The following LAMA2 variants were observed in gnomAD, a reference collection of about 807,000 sequenced individuals.
The protein encoded by LAMA2 is laminin subunit alpha-2.
In LAMA2, 269 loss-of-function variants were observed where a neutral mutation model predicts 364.8. The ratio of observed to expected loss-of-function variants is 0.74; its 90% CI spans 0.67 to 0.82. LAMA2 has a LOEUF of 0.82. Among genes scored for constraint, LAMA2 ranks in the 40% least tolerant of loss-of-function variants. The probability of loss-of-function intolerance (pLI) is 0.00; values close to 1 mark genes in which losing one functional copy is unlikely to be tolerated. For synonymous variants in LAMA2, 1,379 were observed against 1,370.6 expected (o/e 1.01, Z -0.14); for missense variants, 3,807 against 3,873.2 (o/e 0.98, Z 0.45).
At chr6:129,191,276 A>G (rs1480116990) in intron 11 of LAMA2, among the ~76,000 whole-genome samples, 1 of 152,216 alleles carries the variant, frequency 6.6e-6, no homozygotes, top group East Asian at 1.9e-4. Context: ...TTCAACTTTA[A>G]TCAGTGAACT....
intron 1 of LAMA2, among the ~76,000 whole-genome samples, chr6:129,010,904 T>C (rs979872504): frequency 6.6e-6 from 1 of 152,244 alleles, no homozygotes; most frequent in Admixed American, 6.5e-5. Context: ...TTACTGTGTA[T>C]ACATATACAC....
At chr6:129,074,898 C>G (rs183755320) in intron 3 of LAMA2, among the ~76,000 whole-genome samples, 1 of 152,232 alleles carries the variant, frequency 6.6e-6, no homozygotes, top group African/African-American at 2.4e-5. Flanking sequence ...TATGGCATAT[C>G]TGCCCTGAAT....
chr6:128,922,555 G>A (rs562059681), intron 1 of LAMA2, among the ~76,000 whole-genome samples: 142 of 151,610 alleles, frequency 9.4e-4, no homozygotes, highest in Non-Finnish European at 1.4e-3. Flanking sequence ...TGATGGGGTT[G>A]TTTGTTTTTT....
chr6:129,316,307 C>A, intron 27 of LAMA2, 136 bp downstream of exon 27: 2 of 713,358 alleles, frequency 2.8e-6, no homozygotes, highest in South Asian at 1.8e-5. Context: ...ACCATGGAGG[C>A]TTCCCTGTGA....
rs557382253 is a variant in LAMA2, at chr6:129,267,145, T to A, written c.2248T>A (p.Phe750Ile). The change falls in exon 16 of 65, where the codon TTT (phenylalanine) becomes ATT (isoleucine). Residue 750 changes from phenylalanine to isoleucine, a missense_variant. Phe to Ile is a conservative substitution (Grantham distance 21). This residue lies in a region of LAMA2 where 3,333 missense variants were observed against 3,345.7 expected (regional missense o/e 1.00). Coordinates refer to ENST00000421865, the MANE Select transcript of LAMA2 (RefSeq NM_000426.4). ...PRHRRVNGTIFGGICEPCQCF... is the reference protein window; with the variant it reads ...PRHRRVNGTIIGGICEPCQCF... ...GCACAGGCGAGTTAACGGCACTATT[T>A]TTGGTGGCATCTGTGAGCCATGTCA... The A allele has an allele frequency of 6.2e-7, 1 of 1,613,380 alleles. No individual in the cohort carries two copies. Among genetic ancestry groups the A allele is most frequent in the Admixed American group, 1.7e-5 (1 of 59,972 alleles).
At chr6:129,458,440 C>T (rs980027421) in intron 48 of LAMA2, among the ~76,000 whole-genome samples, 1 of 151,960 alleles carries the variant, frequency 6.6e-6, no homozygotes, top group Non-Finnish European at 1.5e-5. Context: ...AAGACTACTG[C>T]CACACCAGAA....
At chr6:129,513,369 A>AACAT (rs1786757204) in intron 63 of LAMA2, among the ~76,000 whole-genome samples, 1 of 152,216 alleles carries the variant, frequency 6.6e-6, no homozygotes, top group African/African-American at 2.4e-5. Context: ...CAAATTTTCA[A>AACAT]ACATACTTTT....
At chr6:129,028,255 G>A (rs1785971462) in intron 1 of LAMA2, among the ~76,000 whole-genome samples, 1 of 151,788 alleles carries the variant, frequency 6.6e-6, no homozygotes, top group Admixed American at 6.6e-5. Context: ...ACACTCTGCT[G>A]TGTAAGTTTT....
chr6:129,084,489 T>C (rs910987891), intron 3 of LAMA2, among the ~76,000 whole-genome samples: 1 of 152,188 alleles, frequency 6.6e-6, no homozygotes, highest in South Asian at 2.1e-4. Context: ...GCTTGTATTC[T>C]AATTTTGAAG....
At chr6:128,977,136 C>CTTA (rs1782578522) in intron 1 of LAMA2, among the ~76,000 whole-genome samples, 1 of 151,464 alleles carries the variant, frequency 6.6e-6, no homozygotes, top group African/African-American at 2.4e-5. Context: ...TTCAGCCTCT[C>CTTA]TTTTTTATTT....
intron 1 of LAMA2, among the ~76,000 whole-genome samples, chr6:128,900,131 T>C (rs1345725849): frequency 6.6e-6 from 1 of 152,202 alleles, no homozygotes; most frequent in Non-Finnish European, 1.5e-5. Flanking sequence ...TGGATGTGTA[T>C]GGTCTCTTGC....
At chr6:128,985,575 GTT>G (rs1436960736) in intron 1 of LAMA2, among the ~76,000 whole-genome samples, 1 of 152,006 alleles carries the variant, frequency 6.6e-6, no homozygotes, top group African/African-American at 2.4e-5. Context: ...CCTTAAAAAT[GTT>G]TTTATTATGA....
chr6:129,468,959 T>C (rs1437345917), intron 51 of LAMA2, among the ~76,000 whole-genome samples: 1 of 150,934 alleles, frequency 6.6e-6, no homozygotes, highest in Non-Finnish European at 1.5e-5. Context: ...GTTGAGGGGG[T>C]AGGAGGGGTG....
chr6:129,298,193 A>G (rs753047921), intron 21 of LAMA2, among the ~76,000 whole-genome samples: 4 of 37,146 alleles, frequency 1.1e-4, no homozygotes, highest in Non-Finnish European at 1.9e-4. Context: ...TACCAGTCTT[A>G]TCTTAGTTTA....
intron 1 of LAMA2, among the ~76,000 whole-genome samples, chr6:128,950,177 T>A (rs186624550): frequency 1.6e-4 from 24 of 152,212 alleles, no homozygotes; most frequent in Admixed American, 6.5e-4. Flanking sequence ...CAGAAATGAA[T>A]AAATCTGAGA....
chr6:129,511,827 T>C (rs1390653628), intron 62 of LAMA2, among the ~76,000 whole-genome samples: 1 of 151,550 alleles, frequency 6.6e-6, no homozygotes, highest in African/African-American at 2.4e-5. Context: ...CCCATCAACA[T>C]TGTACTTACA....
chr6:129,397,556 TG>T (rs1554288552), intron 37 of LAMA2, among the ~76,000 whole-genome samples: 2 of 152,134 alleles, frequency 1.3e-5, no homozygotes, highest in Non-Finnish European at 1.5e-5. Flanking sequence ...TCTATACTTT[TG>T]TCAATATTTG....
chr6:129,247,675 C>T (rs1785854442), intron 12 of LAMA2, among the ~76,000 whole-genome samples: 1 of 152,074 alleles, frequency 6.6e-6, no homozygotes, highest in Non-Finnish European at 1.5e-5. Flanking sequence ...AACAGCTTCG[C>T]TCATGACAAT....
chr6:128,930,050 C>T (rs945257618), intron 1 of LAMA2: 2 of 406,318 alleles, frequency 4.9e-6, no homozygotes, highest in African/African-American at 4.3e-5. Context: ...GTGGCGCCCG[C>T]AGCCCTGCAG....
Sources: gnomAD v4.1 joint callset for allele counts (sites outside exome capture counted in the v4.1 genomes callset) on GRCh38, gnomAD v4.1.1 for gene constraint, gnomAD v4.1.1 regional missense constraint, MANE v1.5 for transcripts, NCBI Gene and HGNC (gene_info 2026-07-23, HGNC 2026-07-21) for gene names.